KCNH5: variants seen among roughly 807,000 people sequenced by gnomAD.
The protein encoded by KCNH5 is potassium voltage-gated channel subfamily H member 5.
KCNH5 carries 46 observed loss-of-function variants against 96.1 expected under a neutral mutation model. The observed-to-expected ratio is 0.48, with a 90% confidence interval of 0.38 to 0.61. KCNH5 has a LOEUF of 0.61. Among genes scored for constraint, KCNH5 ranks in the 20% least tolerant of loss-of-function variants. The pLI, the probability that KCNH5 is intolerant of heterozygous loss-of-function variation, is 0.00. For missense variants in KCNH5, 907 were observed against 1,225.8 expected (o/e 0.74, Z 3.88); for synonymous variants, 439 against 449.8 (o/e 0.98, Z 0.30).
At chr14:62,781,255 T>C (rs1886206046) in intron 9 of KCNH5, among the ~76,000 whole-genome samples, 1 of 152,074 alleles carries the variant, frequency 6.6e-6, no homozygotes, top group Non-Finnish European at 1.5e-5. Flanking sequence ...TAGGTGTGGG[T>C]CACAGACATC....
chr14:62,709,134 G>C (rs1884511492), intron 10 of KCNH5, among the ~76,000 whole-genome samples: 1 of 149,984 alleles, frequency 6.7e-6, no homozygotes, highest in African/African-American at 2.5e-5. Context: ...TCGGGAGGCT[G>C]AGGCAGGAGA....
At chr14:62,755,948 G>A in intron 10 of KCNH5, among the ~76,000 whole-genome samples, 1 of 151,810 alleles carries the variant, frequency 6.6e-6, no homozygotes, top group East Asian at 1.9e-4. Context: ...GGGCATAGAA[G>A]GAATACATGT....
intron 1 of KCNH5, among the ~76,000 whole-genome samples, chr14:63,028,677 T>C (rs1049340876): frequency 1.3e-5 from 2 of 152,150 alleles, no homozygotes; most frequent in Admixed American, 1.3e-4. Flanking sequence ...AGCAACTCAC[T>C]GCAGGGAGAA....
At chr14:62,962,012 G>C (rs571070755) in intron 6 of KCNH5, among the ~76,000 whole-genome samples, 1 of 151,062 alleles carries the variant, frequency 6.6e-6, no homozygotes, top group African/African-American at 2.5e-5. Flanking sequence ...GATGCAGATG[G>C]AGATGGAGAT....
intron 10 of KCNH5, among the ~76,000 whole-genome samples, chr14:62,764,479 C>T (rs1321885063): frequency 6.6e-6 from 1 of 152,186 alleles, no homozygotes; most frequent in Non-Finnish European, 1.5e-5. Context: ...AGGATGCCTA[C>T]TCTCACCACT....
intron 7 of KCNH5, among the ~76,000 whole-genome samples, chr14:62,906,321 G>C (rs1889026806): frequency 1.3e-5 from 2 of 152,168 alleles, no homozygotes; most frequent in South Asian, 4.2e-4. Flanking sequence ...GCACATACTT[G>C]GTGCTGTGAG....
chr14:62,914,699 C>A (rs1357551108), intron 7 of KCNH5, among the ~76,000 whole-genome samples: 1 of 152,186 alleles, frequency 6.6e-6, no homozygotes, highest in Non-Finnish European at 1.5e-5. Context: ...TATGAGGAAG[C>A]AGACTCTTAC....
chr14:62,921,738 C>T (rs1405759938), intron 7 of KCNH5, among the ~76,000 whole-genome samples: 2 of 152,086 alleles, frequency 1.3e-5, no homozygotes, highest in Non-Finnish European at 2.9e-5. Flanking sequence ...GAATGAGTCA[C>T]GACTGACCTG....
intron 9 of KCNH5, among the ~76,000 whole-genome samples, chr14:62,796,662 A>G (rs1886548314): frequency 6.6e-6 from 1 of 152,222 alleles, no homozygotes; most frequent in South Asian, 2.1e-4. Context: ...TGGTTAATTT[A>G]GAAAGTTTAT....
chr14:62,723,281 A>G (rs368228329), intron 10 of KCNH5, among the ~76,000 whole-genome samples: 52 of 152,326 alleles, frequency 3.4e-4, no homozygotes, highest in African/African-American at 1.2e-3. Flanking sequence ...ACACATGCAT[A>G]AATTCTTCAC....
At chr14:62,953,433 C>T (rs1455511193) in intron 6 of KCNH5, among the ~76,000 whole-genome samples, 1 of 152,114 alleles carries the variant, frequency 6.6e-6, no homozygotes, top group Non-Finnish European at 1.5e-5. Flanking sequence ...CCACTTAGCA[C>T]AAAAAGAAAC....
At chr14:62,838,444 T>C (rs1887508941) in intron 8 of KCNH5, among the ~76,000 whole-genome samples, 1 of 152,162 alleles carries the variant, frequency 6.6e-6, no homozygotes, top group African/African-American at 2.4e-5. Flanking sequence ...TCATGCCCCA[T>C]CTAAGCAACC....
chr14:62,739,266 C>CT (rs938699179), intron 10 of KCNH5, among the ~76,000 whole-genome samples: 2 of 152,046 alleles, frequency 1.3e-5, no homozygotes, highest in African/African-American at 4.8e-5. Context: ...GAGTCACACA[C>CT]TTTTTTGGAA....
chr14:62,903,594 G>A (rs1422139923), intron 7 of KCNH5, among the ~76,000 whole-genome samples: 1 of 152,174 alleles, frequency 6.6e-6, no homozygotes, highest in Non-Finnish European at 1.5e-5. Flanking sequence ...CTTAGCCCGT[G>A]TAGGATGCTG....
intron 9 of KCNH5, among the ~76,000 whole-genome samples, chr14:62,786,107 C>T (rs940607915): frequency 3.3e-5 from 5 of 152,262 alleles, no homozygotes; most frequent in African/African-American, 1.2e-4. Flanking sequence ...AGGAGAATGG[C>T]TTGAACCCAG....
At chr14:62,878,979 G>T (rs565023910) in intron 7 of KCNH5, among the ~76,000 whole-genome samples, 1 of 152,008 alleles carries the variant, frequency 6.6e-6, no homozygotes, top group Non-Finnish European at 1.5e-5. Context: ...TCCAAACACG[G>T]TTGCATTTTG....
At chr14:62,727,154 C>T (rs1884944559) in intron 10 of KCNH5, among the ~76,000 whole-genome samples, 1 of 152,058 alleles carries the variant, frequency 6.6e-6, no homozygotes, top group Non-Finnish European at 1.5e-5. Context: ...CACTTGAGGT[C>T]AGGAGTTTGA....
intron 9 of KCNH5, among the ~76,000 whole-genome samples, chr14:62,795,887 C>T (rs983567964): frequency 3.9e-5 from 6 of 152,112 alleles, no homozygotes; most frequent in Middle Eastern, 3.4e-3. Context: ...TAAAATAGAA[C>T]AAGGAAGCAA....
At chr14:62,814,620 T>C (rs562508239) in intron 8 of KCNH5, among the ~76,000 whole-genome samples, 2 of 151,230 alleles carry the variant, frequency 1.3e-5, no homozygotes, top group Admixed American at 1.3e-4. Context: ...CTATCTCTAC[T>C]AAAAATACAA....
Sources: gnomAD v4.1 joint callset for allele counts (sites outside exome capture counted in the v4.1 genomes callset) on GRCh38, gnomAD v4.1.1 for gene constraint, MANE v1.5 for transcripts, NCBI Gene and HGNC (gene_info 2026-07-23, HGNC 2026-07-21) for gene names.